The following CEP112 variants were observed in gnomAD, a reference collection of about 807,000 sequenced individuals.
CEP112 encodes the protein centrosomal protein 112.
A neutral mutation model predicts 153.0 loss-of-function variants in CEP112; 127 were observed. That is an observed-to-expected ratio of 0.83 (90% CI 0.72 to 0.96). CEP112 has a LOEUF of 0.96. CEP112 is among the 40% of genes least tolerant of loss of function. The pLI is 0.00. For missense variants in CEP112, 1,089 were observed against 1,101.2 expected, an observed-to-expected ratio of 0.99 and a Z score of 0.16; for synonymous variants, 358 against 374.4, an observed-to-expected ratio of 0.96 and a Z score of 0.51.
intron 24 of CEP112, among the ~76,000 whole-genome samples, chr17:65,654,379 T>G (rs563971690): frequency 6.6e-6 from 1 of 152,244 alleles, no homozygotes; most frequent in Non-Finnish European, 1.5e-5. Context: ...CTTTCTTTAT[T>G]CTAACTGGCG....
chr17:66,185,230 A>T (rs565329117), intron 1 of CEP112, among the ~76,000 whole-genome samples: 26 of 152,086 alleles, frequency 1.7e-4, no homozygotes, highest in South Asian at 6.2e-4. Context: ...GTTAAAAAAA[A>T]TTTTTTTTGA....
At chr17:65,978,207 G>A (rs917516517) in intron 17 of CEP112, among the ~76,000 whole-genome samples, 1 of 152,074 alleles carries the variant, frequency 6.6e-6, no homozygotes, top group African/African-American at 2.4e-5. Flanking sequence ...AGTGGGCTAT[G>A]ATCATGCCAC....
chr17:65,936,555 T>C (rs2061313458), intron 18 of CEP112, among the ~76,000 whole-genome samples: 1 of 151,816 alleles, frequency 6.6e-6, no homozygotes, highest in African/African-American at 2.4e-5. Context: ...AACCCAGAAT[T>C]CAACAACACA....
intron 23 of CEP112, among the ~76,000 whole-genome samples, chr17:65,727,269 G>A (rs1288992017): frequency 6.6e-6 from 1 of 151,696 alleles, no homozygotes; most frequent in Non-Finnish European, 1.5e-5. Context: ...TTTTTCATAA[G>A]TTTGCTGGAC....
At chr17:65,736,764 A>G (rs1249369837) in intron 23 of CEP112, among the ~76,000 whole-genome samples, 1 of 152,162 alleles carries the variant, frequency 6.6e-6, no homozygotes, top group Non-Finnish European at 1.5e-5. Flanking sequence ...TCCCTGCCTC[A>G]TTGACGTGGA....
At chr17:65,782,054 C>A (rs986539168) in intron 21 of CEP112, among the ~76,000 whole-genome samples, 3 of 152,060 alleles carry the variant, frequency 2.0e-5, no homozygotes, top group Non-Finnish European at 2.9e-5. Context: ...TAACTACCAA[C>A]AGAGTAAACA....
chr17:65,845,374 A>G (rs1568106299), intron 21 of CEP112, among the ~76,000 whole-genome samples: 1 of 152,240 alleles, frequency 6.6e-6, no homozygotes. Flanking sequence ...GATATCATGA[A>G]ACAATGAAAA....
chr17:65,689,250 T>C, intron 23 of CEP112, 32 bp from the exon 24 acceptor site: 1 of 1,478,980 alleles, frequency 6.8e-7, no homozygotes, highest in Non-Finnish European at 9.4e-7. Context: ...ATATCATTAA[T>C]AATTAGCACA....
intron 17 of CEP112, among the ~76,000 whole-genome samples, chr17:65,972,292 C>T (rs535840829): frequency 6.6e-6 from 1 of 152,294 alleles, no homozygotes; most frequent in South Asian, 2.1e-4. Flanking sequence ...TTTTTCTACA[C>T]AGCCCATGGA....
intron 18 of CEP112, among the ~76,000 whole-genome samples, chr17:65,954,790 A>G (rs2061950093): frequency 6.6e-6 from 1 of 152,156 alleles, no homozygotes; most frequent in South Asian, 2.1e-4. Flanking sequence ...AGGCTTTCAA[A>G]TTAACCCAAT....
chr17:66,159,860 G>A (rs1311943814), intron 4 of CEP112, among the ~76,000 whole-genome samples: 2 of 152,112 alleles, frequency 1.3e-5, no homozygotes, highest in African/African-American at 4.8e-5. Context: ...GGGCAATCAG[G>A]CAAGAGAAAG....
intron 21 of CEP112, 106 bp downstream of exon 21, chr17:65,851,698 G>T: frequency 1.3e-6 from 1 of 776,196 alleles, no homozygotes; most frequent in South Asian, 1.7e-5. Context: ...CATTTAAAGA[G>T]TAATGCCATG....
intron 4 of CEP112, among the ~76,000 whole-genome samples, chr17:66,151,083 T>C (rs979764502): frequency 2.0e-5 from 3 of 152,086 alleles, no homozygotes; most frequent in African/African-American, 7.2e-5. Flanking sequence ...ATCTTTGTAT[T>C]TAAAGTATGT....
At chr17:66,041,440 T>G (rs1196920268) in intron 12 of CEP112, among the ~76,000 whole-genome samples, 1 of 152,212 alleles carries the variant, frequency 6.6e-6, no homozygotes, top group African/African-American at 2.4e-5. Flanking sequence ...TCATTATATG[T>G]CACTTCACTT....
At chr17:66,055,237 G>A (rs4500779) in intron 11 of CEP112, among the ~76,000 whole-genome samples, 80,669 of 151,980 alleles carry the variant, frequency 0.53, 22,487 homozygotes, top group African/African-American at 0.64. Context: ...AAGGTCTCAA[G>A]AACGCTTCTT....
At chr17:65,905,948 A>C (rs979410136) in intron 19 of CEP112, among the ~76,000 whole-genome samples, 1 of 152,038 alleles carries the variant, frequency 6.6e-6, no homozygotes, top group Non-Finnish European at 1.5e-5. Flanking sequence ...CCGTCTCAAA[A>C]AAAAAAAAGA....
At chr17:66,057,470 C>T (rs900247974) in intron 11 of CEP112, among the ~76,000 whole-genome samples, 3 of 151,864 alleles carry the variant, frequency 2.0e-5, no homozygotes, top group Non-Finnish European at 4.4e-5. Context: ...TAGCAACAAA[C>T]GAAGAAGATG....
chr17:65,994,032 A>T (rs1264681294), intron 17 of CEP112, among the ~76,000 whole-genome samples: 2 of 139,242 alleles, frequency 1.4e-5, no homozygotes. Flanking sequence ...AAAAAAAAAA[A>T]CTGCATGGAG....
At chr17:66,042,808 T>C (rs923248233) in intron 12 of CEP112, among the ~76,000 whole-genome samples, 1 of 151,802 alleles carries the variant, frequency 6.6e-6, no homozygotes, top group South Asian at 2.1e-4. Context: ...TTCTCTGCAC[T>C]ATCTTCTTAA....
Sources: gnomAD v4.1 joint callset for allele counts (sites outside exome capture counted in the v4.1 genomes callset) on GRCh38, gnomAD v4.1.1 for gene constraint, MANE v1.5 for transcripts, NCBI Gene and HGNC (gene_info 2026-07-23, HGNC 2026-07-21) for gene names.